Variants in PTPRM observed in about 807,000 individuals in gnomAD.
The protein encoded by PTPRM is receptor-type tyrosine-protein phosphatase mu.
In PTPRM, 47 loss-of-function variants were observed where a neutral mutation model predicts 186.7. That is an observed-to-expected ratio of 0.25 (90% CI 0.20 to 0.32). The LOEUF (loss-of-function observed/expected upper bound fraction) is 0.32. Among genes scored for constraint, PTPRM ranks in the 10% least tolerant of loss-of-function variants. The pLI is 1.00. For missense variants in PTPRM, 1,494 were observed against 1,865.0 expected, an observed-to-expected ratio of 0.80 and a Z score of 3.66; for synonymous variants, 668 against 674.9, an observed-to-expected ratio of 0.99 and a Z score of 0.16.
intron 7 of PTPRM, among the ~76,000 whole-genome samples, chr18:8,065,902 C>T (rs1362090637): frequency 6.6e-6 from 1 of 152,088 alleles, no homozygotes; most frequent in Non-Finnish European, 1.5e-5. Context: ...ATGAAGTTGC[C>T]ATTTGTTTCC....
chr18:8,098,029 G>T (rs1167465842), intron 11 of PTPRM, among the ~76,000 whole-genome samples: 1 of 152,182 alleles, frequency 6.6e-6, no homozygotes, highest in Non-Finnish European at 1.5e-5. Flanking sequence ...GTTGCCTACA[G>T]TATTCAGTAG....
At chr18:8,303,242 G>C (rs913617013) in intron 20 of PTPRM, among the ~76,000 whole-genome samples, 2 of 152,132 alleles carry the variant, frequency 1.3e-5, no homozygotes, top group African/African-American at 4.8e-5. Context: ...GTACAGCAGA[G>C]ACTCTGATGT....
At chr18:8,183,286 A>G (rs1027576162) in intron 14 of PTPRM, among the ~76,000 whole-genome samples, 4 of 152,204 alleles carry the variant, frequency 2.6e-5, no homozygotes, top group Non-Finnish European at 5.9e-5. Flanking sequence ...AAATTCTGTT[A>G]TGGCTAAAAT....
At chr18:7,715,108 A>G (rs758423621) in intron 1 of PTPRM, among the ~76,000 whole-genome samples, 2 of 152,206 alleles carry the variant, frequency 1.3e-5, no homozygotes, top group Non-Finnish European at 2.9e-5. Flanking sequence ...AAAATCCTCA[A>G]TAAAATAATG....
chr18:7,582,654 G>C (rs186096742), intron 1 of PTPRM, among the ~76,000 whole-genome samples: 1 of 152,326 alleles, frequency 6.6e-6, no homozygotes, highest in East Asian at 1.9e-4. Context: ...TCTCAGAACA[G>C]TTGGGAAATC....
At chr18:8,063,010 T>C (rs1388625600) in intron 7 of PTPRM, among the ~76,000 whole-genome samples, 1 of 150,750 alleles carries the variant, frequency 6.6e-6, no homozygotes, top group Non-Finnish European at 1.5e-5. Context: ...CCGGCTGCTT[T>C]GTTTACCTAA....
At chr18:7,633,332 T>C (rs545634450) in intron 1 of PTPRM, among the ~76,000 whole-genome samples, 92 of 152,306 alleles carry the variant, frequency 6.0e-4, no homozygotes, top group African/African-American at 2.0e-3. Context: ...TGTTACCTAA[T>C]CTTAGGAGGA....
chr18:8,199,007 G>T (rs1006934668), intron 14 of PTPRM, among the ~76,000 whole-genome samples: 1 of 152,066 alleles, frequency 6.6e-6, no homozygotes, highest in African/African-American at 2.4e-5. Context: ...CCTCAGATGC[G>T]CAGAGGACAG....
intron 32 of PTPRM, among the ~76,000 whole-genome samples, chr18:8,397,212 C>T (rs2095849432): frequency 6.6e-6 from 1 of 152,258 alleles, no homozygotes; most frequent in Non-Finnish European, 1.5e-5. Flanking sequence ...CACCAGATCA[C>T]ATGTGTGGCT....
At chr18:7,607,681 G>A (rs1192283789) in intron 1 of PTPRM, among the ~76,000 whole-genome samples, 2 of 152,210 alleles carry the variant, frequency 1.3e-5, no homozygotes, top group Non-Finnish European at 2.9e-5. Context: ...CAGAGGACAG[G>A]GTTGTGAGGC....
intron 11 of PTPRM, among the ~76,000 whole-genome samples, chr18:8,106,695 G>A (rs569900829): frequency 6.6e-6 from 1 of 152,318 alleles, no homozygotes; most frequent in Non-Finnish European, 1.5e-5. Flanking sequence ...AAAGGATGGA[G>A]GAAACATGAA....
At chr18:8,288,309 A>G (rs925151302) in intron 19 of PTPRM, among the ~76,000 whole-genome samples, 1 of 152,222 alleles carries the variant, frequency 6.6e-6, no homozygotes, top group Non-Finnish European at 1.5e-5. Context: ...GAGCTTCATC[A>G]TTGGCAACAT....
intron 1 of PTPRM, among the ~76,000 whole-genome samples, chr18:7,593,395 C>T (rs892591561): frequency 2.0e-5 from 3 of 152,156 alleles, no homozygotes. Context: ...ATAAAGCAGC[C>T]CTTCCCTCAA....
At chr18:7,793,663 T>C (rs980161245) in intron 2 of PTPRM, among the ~76,000 whole-genome samples, 1 of 152,070 alleles carries the variant, frequency 6.6e-6, no homozygotes, top group African/African-American at 2.4e-5. Context: ...ATTATTGATA[T>C]GGAAGGGAAG....
chr18:8,257,439 G>A (rs892319125), intron 19 of PTPRM, among the ~76,000 whole-genome samples: 1 of 152,192 alleles, frequency 6.6e-6, no homozygotes, highest in African/African-American at 2.4e-5. Flanking sequence ...CCTGTACTTG[G>A]ATGGAGAGCT....
chr18:8,191,474 G>C (rs953288691), intron 14 of PTPRM, among the ~76,000 whole-genome samples: 4 of 152,162 alleles, frequency 2.6e-5, no homozygotes, highest in African/African-American at 9.7e-5. Context: ...AGAGGCAAGG[G>C]AATAGGAAAC....
chr18:7,990,209 C>G (rs1008897932), intron 7 of PTPRM, among the ~76,000 whole-genome samples: 2 of 152,114 alleles, frequency 1.3e-5, no homozygotes, highest in African/African-American at 4.8e-5. Context: ...CTGACCACTC[C>G]TGATATTTTC....
chr18:8,392,709 C>A (rs556033688), intron 31 of PTPRM, among the ~76,000 whole-genome samples: 2 of 151,918 alleles, frequency 1.3e-5, no homozygotes, highest in East Asian at 3.9e-4. Flanking sequence ...GAGCCTGGAC[C>A]ATTATGTGGT....
rs540095843 is a variant in PTPRM at position 7,934,717 on chromosome 18, C to G, written c.663+8034C>G. ...TGATCCCTACAAGAATTTTATTATA[C>G]GTCCATTTATAGAAGAAGCGGCTGA... On this transcript the variant is annotated intron_variant, in intron 5 of 32. Coordinates refer to ENST00000580170, the MANE Select transcript of PTPRM (RefSeq NM_001105244.2). 2.6e-5 allele frequency among the ~76,000 whole-genome samples: 4 copies of G among 152,222 alleles called. 1 individual carries two copies. In the Middle Eastern group the frequency reaches 0.014, roughly 518 times the overall value.
Sources: gnomAD v4.1 joint callset for allele counts (sites outside exome capture counted in the v4.1 genomes callset) on GRCh38, gnomAD v4.1.1 for gene constraint, MANE v1.5 for transcripts, NCBI Gene and HGNC (gene_info 2026-07-23, HGNC 2026-07-21) for gene names.